The following FOXP1 variants were observed in gnomAD, a reference collection of about 807,000 sequenced individuals.
FOXP1 encodes forkhead box protein P1.
A neutral mutation model predicts 98.2 loss-of-function variants in FOXP1; 15 were observed. The observed-to-expected ratio is 0.15, with a 90% CI of 0.10 to 0.24. The LOEUF (loss-of-function observed/expected upper bound fraction) is 0.24, where lower values mean the gene tolerates loss of function less well. Ranked by LOEUF, FOXP1 falls within the 10% of genes least tolerant of loss-of-function variation. FOXP1 has a pLI of 1.00. For missense variants in FOXP1, 633 were observed against 848.5 expected, an observed-to-expected ratio of 0.75 and a Z score of 3.15; for synonymous variants, 371 against 314.5, an observed-to-expected ratio of 1.18 and a Z score of -1.90.
chr3:71,529,663 G>A (rs2043674257), intron 2 of FOXP1, among the ~76,000 whole-genome samples: 1 of 152,118 alleles, frequency 6.6e-6, no homozygotes. Context: ...CCTACATAAC[G>A]AAGCCTCCAT....
intron 2 of FOXP1, among the ~76,000 whole-genome samples, chr3:71,531,342 G>C (rs1472006854): frequency 3.9e-5 from 6 of 152,182 alleles, no homozygotes; most frequent in African/African-American, 1.4e-4. Flanking sequence ...GCAGCTCACA[G>C]CAAGAAGCCA....
chr3:71,110,229 G>C (rs1226854763), intron 7 of FOXP1, among the ~76,000 whole-genome samples: 1 of 152,058 alleles, frequency 6.6e-6, no homozygotes, highest in Non-Finnish European at 1.5e-5. Context: ...TCTTGGAAAA[G>C]AAGTTACCTA....
intron 4 of FOXP1, among the ~76,000 whole-genome samples, chr3:71,347,261 C>T (rs1173213067): frequency 1.3e-5 from 2 of 152,154 alleles, no homozygotes; most frequent in Non-Finnish European, 2.9e-5. Flanking sequence ...TCATTCAGAT[C>T]CGTCAAATTA....
intron 1 of FOXP1, chr3:71,582,724 G>T: frequency 1.0e-6 from 1 of 985,324 alleles, no homozygotes; most frequent in Non-Finnish European, 1.2e-6. Context: ...CGGCTGTTGC[G>T]GACTCGTCTC....
intron 6 of FOXP1, among the ~76,000 whole-genome samples, chr3:71,196,989 G>C (rs991586685): frequency 6.6e-6 from 1 of 152,088 alleles, no homozygotes; most frequent in Non-Finnish European, 1.5e-5. Flanking sequence ...GGCTCATGTT[G>C]GTTCCACCAC....
intron 14 of FOXP1, among the ~76,000 whole-genome samples, chr3:70,984,846 T>C (rs1559642319): frequency 1.3e-5 from 2 of 152,198 alleles, no homozygotes; most frequent in Non-Finnish European, 2.9e-5. Context: ...CTTCCCGAGA[T>C]GAGCGTATCC....
chr3:71,507,630 T>C (rs1266437989), intron 2 of FOXP1, among the ~76,000 whole-genome samples: 2 of 151,160 alleles, frequency 1.3e-5, no homozygotes, highest in African/African-American at 4.9e-5. Context: ...GAGGCTGGAG[T>C]GCAGTGGCAC....
intron 7 of FOXP1, among the ~76,000 whole-genome samples, chr3:71,096,089 C>T (rs1324846869): frequency 6.6e-6 from 1 of 152,214 alleles, no homozygotes; most frequent in Non-Finnish European, 1.5e-5. Flanking sequence ...GACTCCTGAG[C>T]TGGGATTTCC....
At chr3:71,021,337 C>T (rs567493664) in intron 11 of FOXP1, among the ~76,000 whole-genome samples, 47 of 152,272 alleles carry the variant, frequency 3.1e-4, no homozygotes, top group African/African-American at 8.2e-4. Flanking sequence ...CCATAATCCT[C>T]GGAGTTTCAT....
At chr3:71,515,707 A>G (rs2042533510) in intron 2 of FOXP1, among the ~76,000 whole-genome samples, 1 of 152,212 alleles carries the variant, frequency 6.6e-6, no homozygotes, top group East Asian at 1.9e-4. Context: ...AGAATGTAAC[A>G]TTGTGAAGAA....
intron 3 of FOXP1, among the ~76,000 whole-genome samples, chr3:71,425,841 G>A (rs1168969916): frequency 6.6e-6 from 1 of 151,952 alleles, no homozygotes; most frequent in African/African-American, 2.4e-5. Flanking sequence ...CATCCAACAT[G>A]AAGGGCCATT....
chr3:71,033,872 G>A (rs959145365), intron 11 of FOXP1, among the ~76,000 whole-genome samples: 3 of 152,100 alleles, frequency 2.0e-5, no homozygotes, highest in African/African-American at 4.8e-5. Flanking sequence ...ATGCTGATTC[G>A]CCCCCAGGGT....
intron 6 of FOXP1, among the ~76,000 whole-genome samples, chr3:71,138,198 G>A (rs1448139293): frequency 3.3e-5 from 5 of 152,176 alleles, no homozygotes; most frequent in African/African-American, 4.8e-5. Context: ...AACACACGTG[G>A]AGGAAGAAGC....
intron 6 of FOXP1, among the ~76,000 whole-genome samples, chr3:71,188,387 C>T (rs981641249): frequency 4.6e-5 from 7 of 151,258 alleles, no homozygotes; most frequent in Admixed American, 2.6e-4. Context: ...TCAGTGGATG[C>T]TTTGCCTCTT....
chr3:70,984,192 C>A (rs902439179), intron 14 of FOXP1, among the ~76,000 whole-genome samples: 6 of 152,202 alleles, frequency 3.9e-5, no homozygotes, highest in Admixed American at 3.9e-4. Flanking sequence ...CATACGTCCA[C>A]GCAGGGTCCA....
chr3:71,482,771 C>T (rs945038948), intron 3 of FOXP1, among the ~76,000 whole-genome samples: 4 of 151,736 alleles, frequency 2.6e-5, no homozygotes, highest in Non-Finnish European at 5.9e-5. Context: ...AATTCCTCCA[C>T]TAGTGAGATA....
At chr3:71,568,018 A>T (rs2047036942) in intron 2 of FOXP1, 1 of 123,162 alleles carries the variant, frequency 8.1e-6, no homozygotes, top group Non-Finnish European at 1.7e-5. Flanking sequence ...GAAGGAAGGA[A>T]GGAAGGAAAG....
At chr3:71,447,556 C>G (rs367961837) in intron 3 of FOXP1, among the ~76,000 whole-genome samples, 1 of 152,182 alleles carries the variant, frequency 6.6e-6, no homozygotes, top group East Asian at 1.9e-4. Context: ...ATGAAACCAT[C>G]GAGGCCTATG....
intron 2 of FOXP1, among the ~76,000 whole-genome samples, chr3:71,537,470 C>T (rs2044397098): frequency 1.3e-5 from 2 of 152,326 alleles, no homozygotes; most frequent in Admixed American, 1.3e-4. Context: ...TAATGAATGG[C>T]ACCAGGCAGG....
Sources: allele counts gnomAD v4.1 joint callset (sites outside exome capture counted in the v4.1 genomes callset), GRCh38; gene constraint gnomAD v4.1.1; transcripts MANE v1.5; gene names NCBI Gene and HGNC (gene_info 2026-07-23, HGNC 2026-07-21).